The following CPLX3 variants were observed in gnomAD, a reference collection of about 807,000 sequenced individuals.
CPLX3 encodes complexin-3.
CPLX3 carries 12 observed loss-of-function variants against 17.2 expected under a neutral mutation model. The observed-to-expected ratio is 0.70, with a 90% CI of 0.45 to 1.13. CPLX3 has a LOEUF of 1.13. Among genes scored for constraint, CPLX3 ranks in the 50% most tolerant of loss-of-function variants. CPLX3 has a pLI of 0.00. For synonymous variants in CPLX3, 75 were observed against 79.4 expected, an observed-to-expected ratio of 0.94 and a Z score of 0.29; for missense variants, 172 against 203.2, an observed-to-expected ratio of 0.85 and a Z score of 0.93.
rs1304052728 is a variant in CPLX3, at chr15:74,830,667, A to C, written c.*313A>C. On this transcript the variant is annotated 3_prime_UTR_variant, in exon 3 of 3. Transcript: ENST00000395018. ...CCTGCACACAGGAGCACCCACAGAG[A>C]GACACACACAGGACACAAAACCCCT... is the stretch of plus-strand genomic sequence containing the variant. The C allele has an allele frequency of 9.6e-6, 3 of 311,538 alleles. No homozygotes were observed. Among genetic ancestry groups the C allele is most frequent in the Non-Finnish European group, 1.8e-5 (3 of 163,624 alleles). The allele number at this position is 311,538 out of a possible 1,614,324, so 19.3% of individuals were successfully genotyped here. A position where few individuals can be genotyped will look rare whatever the true frequency, so the allele number is the denominator to read the frequency against.
rs567043629 is a variant in CPLX3, at chr15:74,830,435, T to C, written c.*81T>C. On this transcript the variant is annotated 3_prime_UTR_variant, in exon 3 of 3. Coordinates refer to ENST00000395018, the MANE Select transcript of CPLX3 (RefSeq NM_001030005.3). Reference sequence around the variant, plus strand: ...CAACTTCCAGGGACCCATACTCCATTTGGGGCTTTGTTTCCCTTGCCCCAT... The same window carrying C: ...CAACTTCCAGGGACCCATACTCCATCTGGGGCTTTGTTTCCCTTGCCCCAT... 1,013 of 1,177,044 alleles carry C rather than the reference T, an allele frequency of 8.6e-4. No homozygotes were observed. The highest frequency in any genetic ancestry group is 1.1e-3 in the Non-Finnish European group (919 of 820,622). The allele number at this position is 1,177,044 out of a possible 1,614,324, so 72.9% of individuals were successfully genotyped here. A position where few individuals can be genotyped will look rare whatever the true frequency, so the allele number is the denominator to read the frequency against.
rs755952079 is a variant in CPLX3 at position 74,830,339 on chromosome 15, G to A, written c.462G>A (p.Lys154=). The A allele has an allele frequency of 6.2e-7, 1 of 1,613,258 alleles. No individual in the cohort carries two copies. The highest frequency in any genetic ancestry group is 1.7e-5 in the Admixed American group (1 of 60,006). ...TLGDLKQSAE[K]CHVM ...GGGATCTCAAGCAATCAGCTGAGAA[G>A]TGTCACGTCATGTGACCACTTCCCC... The change falls in exon 3 of 3, where the codon AAG becomes AAA. Residue 154 remains lysine, a synonymous_variant. Coordinates refer to ENST00000395018, the MANE Select transcript of CPLX3 (RefSeq NM_001030005.3).
chr15:74,829,744 T>C (rs2063959653), intron 2 of CPLX3, among the ~76,000 whole-genome samples: 1 of 152,202 alleles, frequency 6.6e-6, no homozygotes, highest in African/African-American at 2.4e-5. Context: ...TTACTCACTG[T>C]GCTGGTCCTT....
chr15:74,826,901 C>A lies in CPLX3; in HGVS notation c.164+34C>A. ...GATCCCTTCCTGGCTCCAACGACCT[C>A]CCCTCCCCACCCCCACAGCTGCTCA... On this transcript the variant is annotated intron_variant, in intron 1 of 2. Coordinates refer to ENST00000395018, the MANE Select transcript of CPLX3 (RefSeq NM_001030005.3). This position sits in a 1 kb window ranked among gnomAD's most constrained non-coding sequence, Gnocchi z 5.0. 1 of 1,569,442 alleles carries A rather than the reference C, an allele frequency of 6.4e-7. No homozygotes were observed. The highest frequency in any genetic ancestry group is 8.7e-7 in the Non-Finnish European group (1 of 1,153,616).
rs749978130 is a variant in CPLX3 at position 74,830,333 on chromosome 15, T to C, written c.456T>C (p.Ala152=). 10 of 1,613,378 alleles carry C rather than the reference T, an allele frequency of 6.2e-6. No homozygotes were observed. The East Asian group carries it at 2.0e-4, about 32-fold the overall frequency. ...CACTGGGGGATCTCAAGCAATCAGC[T>C]GAGAAGTGTCACGTCATGTGACCAC... The part of the protein sequence containing the change: ...QATLGDLKQS[A]EKCHVM The change falls in exon 3 of 3, where the codon GCT becomes GCC. Residue 152 remains alanine, a synonymous_variant. Coordinates refer to ENST00000395018, the MANE Select transcript of CPLX3 (RefSeq NM_001030005.3).
chr15:74,827,649 C>G (rs1267122935), intron 1 of CPLX3, among the ~76,000 whole-genome samples: 2 of 152,132 alleles, frequency 1.3e-5, no homozygotes, highest in Non-Finnish European at 2.9e-5. Context: ...AGTGACTTAC[C>G]TAAGGATATA....
chr15:74,828,724 G>A (rs184839943), intron 2 of CPLX3, among the ~76,000 whole-genome samples: 1 of 152,328 alleles, frequency 6.6e-6, no homozygotes, highest in African/African-American at 2.4e-5. Context: ...TCAAGCCGGT[G>A]AATATGAGCC....
At position 74,830,347 on chromosome 15, in the gene CPLX3, T is replaced by A. The variant is rs1248993184; in HGVS notation, c.470T>A (p.Val157Asp). 6.2e-7 allele frequency: 1 copy of A among 1,612,446 alleles called. No homozygotes were observed. The highest frequency in any genetic ancestry group is 8.5e-7 in the Non-Finnish European group (1 of 1,179,510). ...DLKQSAEKCH[V>D]M ...AAGCAATCAGCTGAGAAGTGTCACG[T>A]CATGTGACCACTTCCCCGGGGTTAC... The change falls in exon 3 of 3, where the codon GTC (valine) becomes GAC (aspartate). Residue 157 changes from valine (V) to aspartate (D), a missense_variant. Coordinates refer to ENST00000395018, the MANE Select transcript of CPLX3 (RefSeq NM_001030005.3).
In CPLX3 at chr15:74,830,738, G is replaced by GACAC. The variant is rs748632200; in HGVS notation, c.*389_*392dup. ...CCACAGATACATCCCGGCACAGACA[G>GACAC]ACACACACGAGGCCAGCTCCCTTGC... On this transcript the variant is annotated 3_prime_UTR_variant, in exon 3 of 3. Coordinates refer to ENST00000395018, the MANE Select transcript of CPLX3 (RefSeq NM_001030005.3). 2.3e-4 allele frequency: 43 copies of GACAC among 186,384 alleles called. No homozygotes were observed. Among genetic ancestry groups the GACAC allele is most frequent in the South Asian group, 2.2e-4 (2 of 9,290 alleles). 11.5% of individuals were successfully genotyped at this position (186,384 alleles called of 1,614,324 possible). A position where few individuals can be genotyped will look rare whatever the true frequency, so the allele number is the denominator to read the frequency against.
intron 2 of CPLX3, among the ~76,000 whole-genome samples, chr15:74,829,462 G>C (rs1245373174): frequency 6.6e-6 from 1 of 152,130 alleles, no homozygotes; most frequent in Admixed American, 6.5e-5. Flanking sequence ...ACTTAAGTTA[G>C]TTAAGTAACT....
rs1358199067 is a variant in CPLX3, at chr15:74,830,358, C to T, written c.*4C>T. 1 of 1,609,754 alleles carries T rather than the reference C, an allele frequency of 6.2e-7. No homozygotes were observed. The highest frequency in any genetic ancestry group is 8.5e-7 in the Non-Finnish European group (1 of 1,178,066). On this transcript the variant is annotated 3_prime_UTR_variant, in exon 3 of 3. Coordinates refer to ENST00000395018, the MANE Select transcript of CPLX3 (RefSeq NM_001030005.3). Reference sequence around the variant, plus strand: ...TGAGAAGTGTCACGTCATGTGACCACTTCCCCGGGGTTACCCACTGGGCTG... The same window carrying T: ...TGAGAAGTGTCACGTCATGTGACCATTTCCCCGGGGTTACCCACTGGGCTG...
intron 1 of CPLX3, among the ~76,000 whole-genome samples, chr15:74,827,304 A>G (rs1451196980): frequency 2.0e-5 from 3 of 152,168 alleles, no homozygotes; most frequent in South Asian, 2.1e-4. Context: ...AACATTGAGC[A>G]CTTGTGTGCC....
chr15:74,830,105 C>CCCCCTCTT (rs748035827), intron 2 of CPLX3, 25 bp from the exon 3 acceptor site: 9 of 1,596,292 alleles, frequency 5.6e-6, no homozygotes, highest in Admixed American at 1.7e-5. Flanking sequence ...CTCCACCCCA[C>CCCCCTCTT]CCCCTCTTCC....
chr15:74,830,229 G>T lies in CPLX3; in HGVS notation c.352G>T (p.Glu118Ter). The stretch of plus-strand genomic sequence containing the variant: ...CGAGGAGGACACAGAGGAGGAGGAG[G>T]AGAAGGCCTCAGTCCTTGGGCAGCT... ...MIEEDTEEEE[E>*]KASVLGQLAS... The change falls in exon 3 of 3, where the codon GAG becomes TAG. Residue 118 changes from glutamate to a stop codon, truncating the protein, a stop_gained. Transcript: ENST00000395018. LOFTEE classifies it high-confidence loss of function. 1 of 1,613,830 alleles carries T rather than the reference G, an allele frequency of 6.2e-7. No homozygotes were observed. Among genetic ancestry groups the T allele is most frequent in the Non-Finnish European group, 8.5e-7 (1 of 1,179,910 alleles).
In CPLX3 at chr15:74,826,711, T is replaced by TCATGGTGAAGAC; in HGVS notation, c.16_27dup (p.Lys6_Val9dup). On this transcript the variant is annotated inframe_insertion, in exon 1 of 3. Coordinates refer to ENST00000395018, the MANE Select transcript of CPLX3 (RefSeq NM_001030005.3). This position sits in a 1 kb window ranked among gnomAD's most constrained non-coding sequence, Gnocchi z 5.0. Reference sequence around the variant, plus strand: ...CCCCGGCCGGCGAAGACCATGGCGTTCATGGTGAAGACCATGGTGGGCGGC... The same window carrying TCATGGTGAAGAC: ...CCCCGGCCGGCGAAGACCATGGCGTTCATGGTGAAGACCATGGTGAAGACCATGGTGGGCGGC... 1.2e-6 allele frequency: 2 copies of TCATGGTGAAGAC among 1,609,140 alleles called. No individual in the cohort carries two copies. Among genetic ancestry groups the TCATGGTGAAGAC allele is most frequent in the Middle Eastern group, 1.7e-4 (1 of 5,852 alleles).
At chr15:74,829,471 CTTAAAT>C (rs1309886148) in intron 2 of CPLX3, among the ~76,000 whole-genome samples, 1 of 152,118 alleles carries the variant, frequency 6.6e-6, no homozygotes, top group Non-Finnish European at 1.5e-5. Context: ...AGTTAAGTAA[CTTAAAT>C]TTAAAGTAAG....
At chr15:74,827,959 T>C in intron 1 of CPLX3, 75 bp from the exon 2 acceptor site, 1 of 1,253,288 alleles carries the variant, frequency 8.0e-7, no homozygotes, top group South Asian at 1.3e-5. Context: ...CAGAGACCCC[T>C]TCTGTCCCTC....
At position 74,830,535 on chromosome 15, in the gene CPLX3, C is replaced by A; in HGVS notation, c.*181C>A. ...TCTTCCTCTCCGCTGGGAGTAAAGT[C>A]CCCATCTTCACTCTACCCTTCAGGA... On this transcript the variant is annotated 3_prime_UTR_variant, in exon 3 of 3. Coordinates refer to ENST00000395018, the MANE Select transcript of CPLX3 (RefSeq NM_001030005.3). 3 of 601,428 alleles carry A rather than the reference C, an allele frequency of 5.0e-6. No homozygotes were observed. Among genetic ancestry groups the A allele is most frequent in the Non-Finnish European group, 8.8e-6 (3 of 339,786 alleles). 37.3% of individuals were successfully genotyped at this position (601,428 alleles called of 1,614,324 possible). A position where few individuals can be genotyped will look rare whatever the true frequency, so the allele number is the denominator to read the frequency against.
rs1236869772 is a variant in CPLX3, at chr15:74,829,307, C to T, written c.253-823C>T. 3.9e-5 allele frequency among the ~76,000 whole-genome samples: 6 copies of T among 152,168 alleles called. No homozygotes were observed. In the South Asian group the frequency reaches 1.0e-3, roughly 26 times the overall value. On this transcript the variant is annotated intron_variant, in intron 2 of 2. Transcript: ENST00000395018. ...GGATGCAACTGAGTAGGACATAAGG[C>T]GCCCCCCAGAAGAATAGTGAAGGGC... is the stretch of plus-strand genomic sequence containing the variant.
Sources: gnomAD v4.1 joint callset for allele counts (sites outside exome capture counted in the v4.1 genomes callset) on GRCh38, gnomAD v4.1.1 for gene constraint, Gnocchi (gnomAD v3.1) non-coding constraint, MANE v1.5 for transcripts, NCBI Gene and HGNC (gene_info 2026-07-23, HGNC 2026-07-21) for gene names.